FGFR2: variants seen among roughly 807,000 people sequenced by gnomAD.
FGFR2 encodes the protein fibroblast growth factor receptor 2.
In FGFR2, 19 loss-of-function variants were observed where a neutral mutation model predicts 95.9. The observed-to-expected ratio is 0.20, with a 90% CI of 0.14 to 0.29. The LOEUF (loss-of-function observed/expected upper bound fraction) is 0.29, where lower values mean the gene tolerates loss of function less well. Among genes scored for constraint, FGFR2 ranks in the 10% least tolerant of loss-of-function variants. The pLI is 1.00. For missense variants in FGFR2, 707 were observed against 1,056.9 expected (o/e 0.67, Z 4.59); for synonymous variants, 392 against 393.3 (o/e 1.00, Z 0.04).
intron 6 of FGFR2, chr10:121,526,211 C>T (rs771663359): frequency 5.0e-6 from 2 of 398,618 alleles, no homozygotes; most frequent in Non-Finnish European, 8.8e-6. Flanking sequence ...AGGGAAAGAA[C>T]ATTCTGCGAT....
chr10:121,565,302 A>G (rs1590011336), intron 3 of FGFR2, 136 bp downstream of exon 3: 9 of 1,130,764 alleles, frequency 8.0e-6, no homozygotes, highest in Non-Finnish European at 1.2e-5. Context: ...CCAGGTCCCA[A>G]AGAAGAATTT....
intron 2 of FGFR2, 130 bp downstream of exon 2, chr10:121,593,579 G>T: frequency 1.2e-6 from 1 of 814,852 alleles, no homozygotes; most frequent in African/African-American, 1.7e-5. Context: ...CGGGAGCCAA[G>T]AGACCACGAT....
intron 13 of FGFR2, among the ~76,000 whole-genome samples, chr10:121,492,409 CG>C (rs1846259317): frequency 6.6e-6 from 1 of 151,702 alleles, no homozygotes. Context: ...CACACACTCA[CG>C]CACACACACA....
At chr10:121,585,320 A>T (rs995586451) in intron 2 of FGFR2, among the ~76,000 whole-genome samples, 1 of 152,244 alleles carries the variant, frequency 6.6e-6, no homozygotes, top group Non-Finnish European at 1.5e-5. Flanking sequence ...AATGCTTCTC[A>T]TCAGACAATT....
chr10:121,537,669 A>G (rs773142010), intron 6 of FGFR2, among the ~76,000 whole-genome samples: 4 of 152,042 alleles, frequency 2.6e-5, no homozygotes, highest in Non-Finnish European at 4.4e-5. Flanking sequence ...GTGTGAACTG[A>G]GTTGAGTCTA....
intron 2 of FGFR2, among the ~76,000 whole-genome samples, chr10:121,567,734 G>GT (rs1375780989): frequency 6.6e-6 from 1 of 152,242 alleles, no homozygotes; most frequent in African/African-American, 2.4e-5. Flanking sequence ...GCCGCAGCTT[G>GT]TTTTTGTAAA....
rs770169545 is a variant in FGFR2 at position 121,551,445 on chromosome 10, T to C, written c.469A>G (p.Thr157Ala). The C allele has an allele frequency of 9.3e-6, 15 of 1,614,158 alleles. No individual in the cohort carries two copies. The Admixed American group carries it at 2.3e-4, about 25-fold the overall frequency. ...CGCTTTTCCATCTTTTCTGTGTTGG[T>C]CCAGTATGGTGCTCCTGTTTTGGAA... ...NSNNKRAPYW[T>A]NTEKMEKRLH... Residue 157 changes from threonine to alanine, a missense_variant, in exon 5 of 18, where the codon ACC becomes GCC. By Grantham distance (58) the Thr-to-Ala change is moderately conservative (BLOSUM62 0). Around this residue, in one of 7 missense-constraint regions of FGFR2, gnomAD observed 139 missense variants for 278.1 expected, o/e 0.50. Transcript: ENST00000358487.
At chr10:121,576,609 T>C (rs1859808738) in intron 2 of FGFR2, among the ~76,000 whole-genome samples, 2 of 152,142 alleles carry the variant, frequency 1.3e-5, no homozygotes, top group South Asian at 2.1e-4. Context: ...AATGAATGCA[T>C]TGTGATCTCC....
intron 5 of FGFR2, among the ~76,000 whole-genome samples, chr10:121,540,753 A>G (rs920369016): frequency 6.6e-6 from 1 of 152,166 alleles, no homozygotes; most frequent in Non-Finnish European, 1.5e-5. Flanking sequence ...CCTGCTGTAA[A>G]TATTCAGTTC....
At chr10:121,542,392 A>G (rs1202331609) in intron 5 of FGFR2, among the ~76,000 whole-genome samples, 1 of 152,182 alleles carries the variant, frequency 6.6e-6, no homozygotes, top group Non-Finnish European at 1.5e-5. Context: ...ACACACAACA[A>G]AAAAGTATAA....
chr10:121,548,209 C>G (rs78449339), intron 5 of FGFR2, among the ~76,000 whole-genome samples: 3,437 of 142,698 alleles, frequency 0.024, 151 homozygotes, highest in African/African-American at 0.082. Flanking sequence ...CGCCAGCACA[C>G]TGCATCCAAA....
At chr10:121,516,352 C>A (rs1414914125) in intron 8 of FGFR2, among the ~76,000 whole-genome samples, 1 of 152,182 alleles carries the variant, frequency 6.6e-6, no homozygotes, top group South Asian at 2.1e-4. Flanking sequence ...AAAGGAAAAA[C>A]GGATGCAATG....
At chr10:121,516,987 T>A (rs906045585) in intron 8 of FGFR2, among the ~76,000 whole-genome samples, 5 of 152,182 alleles carry the variant, frequency 3.3e-5, no homozygotes, top group African/African-American at 1.2e-4. Context: ...TGAGAATAAA[T>A]TACTTTGAAT....
intron 6 of FGFR2, among the ~76,000 whole-genome samples, chr10:121,524,617 C>G (rs1159130406): frequency 2.0e-5 from 3 of 152,186 alleles, no homozygotes; most frequent in Non-Finnish European, 2.9e-5. Flanking sequence ...CTCGGAATCC[C>G]TAAGAACCTC....
chr10:121,592,293 T>C (rs1466703748), intron 2 of FGFR2, among the ~76,000 whole-genome samples: 4 of 152,136 alleles, frequency 2.6e-5, no homozygotes, highest in African/African-American at 4.8e-5. Context: ...TAAAAATGCA[T>C]CACCACTGCA....
At chr10:121,593,571 G>C (rs1182741205) in intron 2 of FGFR2, 138 bp downstream of exon 2, 1 of 761,574 alleles carries the variant, frequency 1.3e-6, no homozygotes, top group Non-Finnish European at 2.3e-6. Flanking sequence ...TGCCTTGCCG[G>C]GAGCCAAGAG....
intron 5 of FGFR2, among the ~76,000 whole-genome samples, chr10:121,539,859 C>T (rs889405751): frequency 1.3e-5 from 2 of 152,192 alleles, no homozygotes; most frequent in Non-Finnish European, 2.9e-5. Flanking sequence ...AAAATCATCT[C>T]GTAACCACTC....
rs41295575 is a variant in FGFR2 at position 121,515,090 on chromosome 10, A to G, written c.1287+27T>C. On this transcript the variant is annotated intron_variant, in intron 9 of 17. Transcript: ENST00000358487. ...TGGCTGGGTCATGGGGGAGGAGTAA[A>G]TTTCTTTAAACTCTTTATCTACTTT... 4.7e-4 allele frequency: 752 copies of G among 1,610,696 alleles called. 6 individuals carry two copies. The African/African-American group carries it at 9.0e-3, about 19-fold the overall frequency.
intron 6 of FGFR2, among the ~76,000 whole-genome samples, chr10:121,534,121 C>G (rs368941644): frequency 7.0e-5 from 7 of 99,968 alleles, no homozygotes; most frequent in African/African-American, 9.7e-5. Context: ...TTTTTTGAGA[C>G]GGAGTCTCAC....
Sources: gnomAD v4.1 joint callset for allele counts (sites outside exome capture counted in the v4.1 genomes callset) on GRCh38, gnomAD v4.1.1 for gene constraint, gnomAD v4.1.1 regional missense constraint, MANE v1.5 for transcripts, NCBI Gene and HGNC (gene_info 2026-07-23, HGNC 2026-07-21) for gene names.